The following DAPK2 variants were observed in gnomAD, a reference collection of about 807,000 sequenced individuals.
DAPK2 encodes the protein death-associated protein kinase 2.
Under a neutral mutation model 44.1 loss-of-function variants are expected in DAPK2, and 35 were observed. The observed-to-expected ratio is 0.79, with a 90% CI of 0.61 to 1.05. The LOEUF (loss-of-function observed/expected upper bound fraction) is 1.05. Ranked by LOEUF, DAPK2 falls within the 50% of genes least tolerant of loss-of-function variation. DAPK2 has a pLI of 0.00. For synonymous variants in DAPK2, 174 were observed against 182.6 expected, an observed-to-expected ratio of 0.95 and a Z score of 0.38; for missense variants, 453 against 483.2, an observed-to-expected ratio of 0.94 and a Z score of 0.59.
chr15:64,044,236 G>A (rs1204880680), upstream of DAPK2, among the ~76,000 whole-genome samples: 2 of 152,124 alleles, frequency 1.3e-5, no homozygotes, highest in African/African-American at 4.8e-5. Flanking sequence ...CCACCTTAAT[G>A]CCCATGTTTC....
intron 8 of DAPK2, chr15:63,922,241 A>C: frequency 1.0e-6 from 1 of 982,230 alleles, no homozygotes; most frequent in African/African-American, 1.7e-5. Context: ...GTAAGTGAAA[A>C]ATCAATGCAA....
intron 8 of DAPK2, chr15:63,920,076 T>G (rs1471282): frequency 0.44 from 66,555 of 151,970 alleles, 16,947 homozygotes; most frequent in East Asian, 0.94. Flanking sequence ...TTTTTGGATC[T>G]CTGAAGTCAG....
At chr15:64,010,526 T>G (rs543393444) in intron 1 of DAPK2, among the ~76,000 whole-genome samples, 6 of 152,208 alleles carry the variant, frequency 3.9e-5, no homozygotes, top group Non-Finnish European at 8.8e-5. Context: ...TCCCTACATT[T>G]GTCTCTCAGC....
In DAPK2 at chr15:63,925,849, A is replaced by G. The variant is rs2079242119; in HGVS notation, c.812+92T>C. 5 of 1,508,238 alleles carry G rather than the reference A, an allele frequency of 3.3e-6. No homozygotes were observed. The African/African-American group carries it at 5.5e-5, about 17-fold the overall frequency. The allele number at this position is 1,508,238 out of a possible 1,614,324, so 93.4% of individuals were successfully genotyped here. A position where few individuals can be genotyped will look rare whatever the true frequency, so the allele number is the denominator to read the frequency against. ...GACCACAACAGTGCAGATGACAGCTATGTCAAAGTGGGGACATACTGACAG... is the reference window on the plus strand; with the variant it reads ...GACCACAACAGTGCAGATGACAGCTGTGTCAAAGTGGGGACATACTGACAG... On this transcript the variant is annotated intron_variant, in intron 7 of 10. Coordinates refer to ENST00000261891, the Ensembl canonical transcript of DAPK2.
At chr15:64,001,186 A>T (rs968585575) in intron 1 of DAPK2, among the ~76,000 whole-genome samples, 6 of 141,994 alleles carry the variant, frequency 4.2e-5, no homozygotes, top group Non-Finnish European at 7.6e-5. Flanking sequence ...CAGAGTCAAC[A>T]CTCTTTAATC....
intron 1 of DAPK2, among the ~76,000 whole-genome samples, chr15:64,009,939 C>T (rs1430777610): frequency 6.6e-6 from 1 of 152,104 alleles, no homozygotes; most frequent in Admixed American, 6.5e-5. Flanking sequence ...TTTCCAGTGG[C>T]ACAAAGGCTT....
At chr15:64,025,963 C>T (rs332276) in intron 1 of DAPK2, among the ~76,000 whole-genome samples, 125,030 of 152,208 alleles carry the variant, frequency 0.82, 51,692 homozygotes, top group East Asian at 0.92. Context: ...GGGCCACTCA[C>T]ACACAGGGCG....
intron 4 of DAPK2, among the ~76,000 whole-genome samples, chr15:63,938,538 G>A (rs1361851874): frequency 6.6e-6 from 1 of 152,196 alleles, no homozygotes; most frequent in African/African-American, 2.4e-5. Flanking sequence ...AGGACATCAT[G>A]CCCTCCCTAT....
chr15:63,914,228 G>A (rs2078868133), intron 8 of DAPK2, among the ~76,000 whole-genome samples: 1 of 150,890 alleles, frequency 6.6e-6, no homozygotes, highest in Admixed American at 6.6e-5. Flanking sequence ...CTCCGGGGCG[G>A]GGGGTGGGGT....
chr15:63,936,338 C>T (rs2077146537), intron 4 of DAPK2, among the ~76,000 whole-genome samples: 1 of 152,112 alleles, frequency 6.6e-6, no homozygotes, highest in African/African-American at 2.4e-5. Context: ...AGCGGTGGCT[C>T]GCTGGCTCAC....
chr15:64,023,400 C>G (rs1014666774), intron 1 of DAPK2, among the ~76,000 whole-genome samples: 3 of 152,180 alleles, frequency 2.0e-5, no homozygotes, highest in Non-Finnish European at 4.4e-5. Flanking sequence ...CTTGTGGAGT[C>G]ACTGTTGGGT....
At chr15:63,944,965 C>T (rs2140485722) in intron 3 of DAPK2, among the ~76,000 whole-genome samples, 1 of 152,320 alleles carries the variant, frequency 6.6e-6, no homozygotes, top group Admixed American at 6.5e-5. Flanking sequence ...CTTGGAATGC[C>T]TGTCCTACTC....
At chr15:64,007,091 AG>A (rs2079251498) in intron 1 of DAPK2, among the ~76,000 whole-genome samples, 1 of 152,040 alleles carries the variant, frequency 6.6e-6, no homozygotes, top group South Asian at 2.1e-4. Flanking sequence ...CCAAGTAGCT[AG>A]GACTACAAAT....
At chr15:63,954,142 G>A (rs1362981682) in intron 3 of DAPK2, among the ~76,000 whole-genome samples, 1 of 152,126 alleles carries the variant, frequency 6.6e-6, no homozygotes, top group Non-Finnish European at 1.5e-5. Flanking sequence ...TTGCTGTGCA[G>A]AAGCTTTTTA....
intron 3 of DAPK2, among the ~76,000 whole-genome samples, chr15:63,950,742 C>CT (rs2077564852): frequency 6.6e-6 from 1 of 152,186 alleles, no homozygotes; most frequent in Admixed American, 6.5e-5. Context: ...AGCCCTGTCA[C>CT]TTAATACTGT....
intron 3 of DAPK2, among the ~76,000 whole-genome samples, chr15:63,960,841 G>A (rs1161570965): frequency 7.3e-6 from 1 of 137,366 alleles, no homozygotes; most frequent in African/African-American, 2.6e-5. Flanking sequence ...GGGGTGGAGA[G>A]TTCTGTAGAT....
chr15:64,037,576 T>G lies in DAPK2; in HGVS notation c.92+2594A>C, dbSNP rs550680369. ...GGACTGTGTCTGTTTTGTTTTCCAC[T>G]GCTTGGATGGTGCGTGGCACACAGT... is the stretch of plus-strand genomic sequence containing the variant. On this transcript the variant is annotated intron_variant, in intron 1 of 10. Coordinates refer to ENST00000261891, the Ensembl canonical transcript of DAPK2. Among the ~76,000 whole-genome samples, 46 of 152,308 alleles carry G rather than the reference T, an allele frequency of 3.0e-4. No homozygotes were observed. The South Asian group carries it at 9.5e-3, about 32-fold the overall frequency.
chr15:63,945,211 T>C (rs2077417869), intron 3 of DAPK2, among the ~76,000 whole-genome samples: 1 of 152,178 alleles, frequency 6.6e-6, no homozygotes, highest in East Asian at 1.9e-4. Context: ...CCCTGTGCTC[T>C]AACCCCTCCG....
chr15:64,019,264 T>C (rs1404270717), intron 1 of DAPK2, among the ~76,000 whole-genome samples: 3 of 152,242 alleles, frequency 2.0e-5, no homozygotes, highest in Non-Finnish European at 4.4e-5. Flanking sequence ...AGCAGTTAAG[T>C]GTCTGTTTAC....
Sources: gnomAD v4.1 joint callset for allele counts (sites outside exome capture counted in the v4.1 genomes callset) on GRCh38, gnomAD v4.1.1 for gene constraint, MANE v1.5 for transcripts, NCBI Gene and HGNC (gene_info 2026-07-23, HGNC 2026-07-21) for gene names.